GYPC: variants seen among roughly 807,000 people sequenced by gnomAD.
GYPC encodes the protein glycophorin-C.
In GYPC, 14 loss-of-function variants were observed where a neutral mutation model predicts 12.6. The observed-to-expected ratio is 1.11, with a 90% CI of 0.74 to 1.74. The LOEUF is 1.74. Ranked by LOEUF, GYPC falls within the 40% of genes most tolerant of loss-of-function variation. The pLI is 0.00. For synonymous variants in GYPC, 78 were observed against 62.1 expected (o/e 1.26, Z -1.20); for missense variants, 225 against 172.1 (o/e 1.31, Z -1.72).
intron 1 of GYPC, among the ~76,000 whole-genome samples, chr2:126,667,618 G>C (rs1340161888): frequency 6.6e-6 from 1 of 151,656 alleles, no homozygotes; most frequent in Non-Finnish European, 1.5e-5. Context: ...GGTCAGGCTG[G>C]TCTCAAACTC....
At chr2:126,663,933 G>T (rs994987232) in intron 1 of GYPC, among the ~76,000 whole-genome samples, 1 of 149,234 alleles carries the variant, frequency 6.7e-6, no homozygotes, top group East Asian at 2.0e-4. Flanking sequence ...TTGGAGCTGG[G>T]TCTCTCTAAG....
At chr2:126,678,144 C>T (rs1422039673) in intron 1 of GYPC, among the ~76,000 whole-genome samples, 1 of 152,082 alleles carries the variant, frequency 6.6e-6, no homozygotes, top group African/African-American at 2.4e-5. Flanking sequence ...ATCACTTGAA[C>T]CCAGGAGGCG....
At chr2:126,674,309 G>C (rs1238501346) in intron 1 of GYPC, among the ~76,000 whole-genome samples, 3 of 152,146 alleles carry the variant, frequency 2.0e-5, no homozygotes, top group African/African-American at 7.2e-5. Context: ...CCGCTCACCA[G>C]CTTCTCCCTC....
intron 1 of GYPC, among the ~76,000 whole-genome samples, chr2:126,661,456 T>TC (rs200431893): frequency 0.044 from 5,542 of 125,264 alleles, 149 homozygotes; most frequent in Middle Eastern, 0.081. Flanking sequence ...TCTCTCTCTC[T>TC]TTTTTTTTTT....
intron 1 of GYPC, among the ~76,000 whole-genome samples, chr2:126,660,912 A>T (rs922690996): frequency 6.7e-6 from 1 of 149,976 alleles, no homozygotes; most frequent in African/African-American, 2.5e-5. Flanking sequence ...TTTCATATCC[A>T]CTCCCTTCCC....
At chr2:126,695,843 G>T in intron 3 of GYPC, 103 bp from the exon 4 acceptor site, 1 of 853,960 alleles carries the variant, frequency 1.2e-6, no homozygotes, top group South Asian at 1.3e-5. Context: ...TTTTGGTTGT[G>T]GCATTGTATC....
chr2:126,675,313 ACT>A (rs971734565), intron 1 of GYPC, among the ~76,000 whole-genome samples: 18 of 152,214 alleles, frequency 1.2e-4, no homozygotes, highest in Non-Finnish European at 2.5e-4. Context: ...TTAATACTTT[ACT>A]GTAATTGTGG....
intron 2 of GYPC, among the ~76,000 whole-genome samples, 169 bp from the exon 3 acceptor site, chr2:126,693,695 G>A (rs1401683119): frequency 6.6e-6 from 1 of 152,130 alleles, no homozygotes; most frequent in Non-Finnish European, 1.5e-5. Flanking sequence ...CCTGGTTCCT[G>A]GTCTGTGCAT....
chr2:126,672,347 T>C (rs1182125164), intron 1 of GYPC, among the ~76,000 whole-genome samples: 1 of 152,100 alleles, frequency 6.6e-6, no homozygotes, highest in Non-Finnish European at 1.5e-5. Context: ...TAGTGAGCCC[T>C]CCTGCAGTCC....
intron 1 of GYPC, chr2:126,686,264 A>G (rs1683286415): frequency 7.1e-6 from 7 of 985,664 alleles, no homozygotes; most frequent in Non-Finnish European, 8.4e-6. Context: ...CTGAGAATCC[A>G]TTGCAACTGA....
intron 2 of GYPC, among the ~76,000 whole-genome samples, chr2:126,691,740 C>A (rs1683471450): frequency 6.6e-6 from 1 of 152,120 alleles, no homozygotes; most frequent in African/African-American, 2.4e-5. Flanking sequence ...ATGTTGAGAC[C>A]TGCACCTGGC....
chr2:126,680,829 G>A (rs1423225605), intron 1 of GYPC, among the ~76,000 whole-genome samples: 1 of 152,170 alleles, frequency 6.6e-6, no homozygotes, highest in Non-Finnish European at 1.5e-5. Flanking sequence ...GTGTGGACAC[G>A]AGACTCAGAG....
intron 1 of GYPC, among the ~76,000 whole-genome samples, chr2:126,683,188 A>C (rs538623554): frequency 2.0e-5 from 3 of 152,256 alleles, no homozygotes; most frequent in Non-Finnish European, 4.4e-5. Context: ...ACATGGTGGC[A>C]AGTGCCTGTA....
At chr2:126,690,368 C>G in intron 2 of GYPC, 57 bp downstream of exon 2, 2 of 1,270,240 alleles carry the variant, frequency 1.6e-6, no homozygotes, top group Non-Finnish European at 2.3e-6. Context: ...TTCAGATGAG[C>G]TCTCATCACA....
chr2:126,677,295 TAG>T (rs1387166962), intron 1 of GYPC, among the ~76,000 whole-genome samples: 4 of 147,712 alleles, frequency 2.7e-5, no homozygotes, highest in South Asian at 2.2e-4. Context: ...GTGAGTGTGT[TAG>T]AGTGTGTGAG....
At chr2:126,665,485 C>T (rs1485705608) in intron 1 of GYPC, among the ~76,000 whole-genome samples, 2 of 152,200 alleles carry the variant, frequency 1.3e-5, no homozygotes, top group Non-Finnish European at 2.9e-5. Flanking sequence ...TAAGGGGGAA[C>T]CACCGATTCA....
In GYPC at chr2:126,663,950, G is replaced by GTC. The variant is rs61649506; in HGVS notation, c.49+7688_49+7689dup. On this transcript the variant is annotated intron_variant, in intron 1 of 3. Transcript: ENST00000259254. ...GGAGCTGGGTCTCTCTAAGGTTCTGGTCTCTCTCTCTCTCTCTCTCTCTCT... is the reference window on the plus strand; with the variant it reads ...GGAGCTGGGTCTCTCTAAGGTTCTGGTCTCTCTCTCTCTCTCTCTCTCTCTCT... Among the ~76,000 whole-genome samples, 961 of 129,776 alleles carry GTC rather than the reference G, an allele frequency of 7.4e-3. 14 individuals are homozygous for GTC. The highest frequency in any genetic ancestry group is 0.016 in the African/African-American group (499 of 32,072). The allele number at this position is 129,776 out of a possible 152,430, so 85.1% of individuals were successfully genotyped here.
chr2:126,672,874 G>A (rs1409742499), intron 1 of GYPC, among the ~76,000 whole-genome samples: 1 of 152,108 alleles, frequency 6.6e-6, no homozygotes. Flanking sequence ...CATATACATA[G>A]CCTCCTTCTC....
chr2:126,692,981 T>A (rs1268488862), intron 2 of GYPC, among the ~76,000 whole-genome samples: 1 of 152,136 alleles, frequency 6.6e-6, no homozygotes, highest in Non-Finnish European at 1.5e-5. Flanking sequence ...CCTCATAGGA[T>A]GGATGTGAAG....
Sources: gnomAD v4.1 joint callset for allele counts (sites outside exome capture counted in the v4.1 genomes callset) on GRCh38, gnomAD v4.1.1 for gene constraint, MANE v1.5 for transcripts, NCBI Gene and HGNC (gene_info 2026-07-23, HGNC 2026-07-21) for gene names.